The following NLGN1 variants were observed in gnomAD, a reference collection of about 807,000 sequenced individuals.
NLGN1 encodes the protein neuroligin 1.
In NLGN1, 12 loss-of-function variants were observed where a neutral mutation model predicts 65.5. That is an observed-to-expected ratio of 0.18 (90% CI 0.12 to 0.30). NLGN1 has a LOEUF of 0.30. NLGN1 is among the 10% of genes least tolerant of loss of function. The pLI, the probability that NLGN1 is intolerant of heterozygous loss-of-function variation, is 1.00. For synonymous variants in NLGN1, 350 were observed against 359.5 expected, an observed-to-expected ratio of 0.97 and a Z score of 0.30; for missense variants, 750 against 1,007.1, an observed-to-expected ratio of 0.74 and a Z score of 3.46.
intron 4 of NLGN1, among the ~76,000 whole-genome samples, chr3:174,180,314 T>C (rs1364193184): frequency 2.0e-5 from 3 of 152,162 alleles, no homozygotes; most frequent in African/African-American, 7.2e-5. Flanking sequence ...TTCTGTCTCT[T>C]TCCTGTAGGC....
At chr3:173,564,445 A>G (rs1426643655) in intron 2 of NLGN1, among the ~76,000 whole-genome samples, 1 of 152,240 alleles carries the variant, frequency 6.6e-6, no homozygotes, top group Non-Finnish European at 1.5e-5. Context: ...CCTCAGTAAT[A>G]TTTCCAGTTC....
intron 2 of NLGN1, among the ~76,000 whole-genome samples, chr3:173,457,434 T>C (rs1722688559): frequency 2.0e-5 from 3 of 151,948 alleles, no homozygotes; most frequent in Non-Finnish European, 4.4e-5. Context: ...AAAATAAATA[T>C]GGGAAATTGG....
At chr3:173,889,415 A>G (rs13327590) in intron 4 of NLGN1, among the ~76,000 whole-genome samples, 2,677 of 152,186 alleles carry the variant, frequency 0.018, 60 homozygotes, top group Middle Eastern at 0.065. Context: ...AACAGTGACA[A>G]AGAGAGCAAA....
At chr3:173,415,943 A>AGAGAGAGAGAGCGCGCGCGC (rs141095727) in intron 1 of NLGN1, among the ~76,000 whole-genome samples, 1 of 142,826 alleles carries the variant, frequency 7.0e-6, no homozygotes, top group African/African-American at 2.8e-5. Context: ...AGAGAGAGAG[A>AGAGAGAGAGAGCGCGCGCGC]GCTTGGTATA....
At chr3:174,292,497 T>C in the NLGN1 span, among the ~76,000 whole-genome samples, 1 of 147,462 alleles carries the variant, frequency 6.8e-6, no homozygotes, top group African/African-American at 2.4e-5. Context: ...CAATTTAAAT[T>C]CTAAAGTGAA....
chr3:173,680,443 A>G (rs1763803523), intron 3 of NLGN1, among the ~76,000 whole-genome samples: 1 of 152,212 alleles, frequency 6.6e-6, no homozygotes, highest in Admixed American at 6.5e-5. Context: ...AGGTAAAAGC[A>G]AAGACTGGAA....
chr3:173,427,570 A>C (rs1716353844), intron 1 of NLGN1, among the ~76,000 whole-genome samples: 1 of 151,846 alleles, frequency 6.6e-6, no homozygotes, highest in African/African-American at 2.4e-5. Context: ...TCATTGACCC[A>C]TTGGTTTTTC....
At chr3:173,972,342 A>G (rs896082215) in intron 4 of NLGN1, among the ~76,000 whole-genome samples, 7 of 152,132 alleles carry the variant, frequency 4.6e-5, no homozygotes, top group African/African-American at 1.7e-4. Flanking sequence ...AGGTTTTTCT[A>G]CTACCTGCAA....
At chr3:174,046,372 CTT>C (rs373611284) in intron 4 of NLGN1, among the ~76,000 whole-genome samples, 6 of 145,112 alleles carry the variant, frequency 4.1e-5, no homozygotes, top group Non-Finnish European at 3.0e-5. Flanking sequence ...AAGCAGGCAA[CTT>C]TTTTTTTTTT....
At chr3:173,936,686 G>T (rs141824136) in intron 4 of NLGN1, among the ~76,000 whole-genome samples, 2 of 152,050 alleles carry the variant, frequency 1.3e-5, no homozygotes, top group African/African-American at 4.8e-5. Context: ...TCATTTTTTA[G>T]GTCCTCAAGG....
chr3:173,745,597 A>G (rs944316156), intron 3 of NLGN1, among the ~76,000 whole-genome samples: 2 of 152,032 alleles, frequency 1.3e-5, no homozygotes, highest in Non-Finnish European at 2.9e-5. Flanking sequence ...TTTGAGACTG[A>G]AAGGAATTTT....
intron 4 of NLGN1, among the ~76,000 whole-genome samples, chr3:174,104,851 A>T (rs1010725616): frequency 6.6e-6 from 1 of 152,084 alleles, no homozygotes; most frequent in African/African-American, 2.4e-5. Context: ...AGGAAACAGG[A>T]ATTTAGGGTG....
intron 3 of NLGN1, among the ~76,000 whole-genome samples, chr3:173,648,153 T>C (rs1445666977): frequency 6.6e-6 from 1 of 150,390 alleles, no homozygotes; most frequent in Non-Finnish European, 1.5e-5. Flanking sequence ...AAAAAAAAAA[T>C]GATAAACTGG....
At chr3:174,082,638 A>T (rs2152552311) in intron 4 of NLGN1, among the ~76,000 whole-genome samples, 1 of 152,078 alleles carries the variant, frequency 6.6e-6, no homozygotes, top group Middle Eastern at 3.4e-3. Context: ...GCTTTGTTTT[A>T]AAAAGCAATA....
At chr3:173,711,693 G>A (rs192398516) in intron 3 of NLGN1, among the ~76,000 whole-genome samples, 3 of 152,198 alleles carry the variant, frequency 2.0e-5, no homozygotes, top group East Asian at 1.9e-4. Flanking sequence ...GTTCTTATGA[G>A]GTAAGATATG....
chr3:173,562,364 C>T (rs867865664), intron 2 of NLGN1, among the ~76,000 whole-genome samples: 5 of 152,010 alleles, frequency 3.3e-5, no homozygotes, highest in African/African-American at 9.7e-5. Flanking sequence ...ATCAGGAGAT[C>T]GAGACTATCT....
At chr3:174,098,797 A>C (rs1159062742) in intron 4 of NLGN1, among the ~76,000 whole-genome samples, 1 of 152,216 alleles carries the variant, frequency 6.6e-6, no homozygotes, top group African/African-American at 2.4e-5. Flanking sequence ...CTAGTAGATA[A>C]ACTCACTTTC....
intron 2 of NLGN1, among the ~76,000 whole-genome samples, chr3:173,506,204 A>G (rs1732007017): frequency 6.6e-6 from 1 of 152,018 alleles, no homozygotes; most frequent in African/African-American, 2.4e-5. Context: ...TACGAGAGAA[A>G]AGAATTTGGA....
At chr3:173,824,553 C>G (rs558712178) in intron 4 of NLGN1, among the ~76,000 whole-genome samples, 2 of 151,942 alleles carry the variant, frequency 1.3e-5, no homozygotes, top group Non-Finnish European at 2.9e-5. Context: ...CTCAGGGGAC[C>G]GCATGTGCTG....
Sources: allele counts gnomAD v4.1 joint callset (sites outside exome capture counted in the v4.1 genomes callset), GRCh38; gene constraint gnomAD v4.1.1; transcripts MANE v1.5; gene names NCBI Gene and HGNC (gene_info 2026-07-23, HGNC 2026-07-21).